Variants in PROSER1 observed in about 807,000 individuals in gnomAD.
PROSER1 encodes the protein proline and serine rich 1, also known as proline and serine-rich protein 1.
A neutral mutation model predicts 71.8 loss-of-function variants in PROSER1; 36 were observed. The ratio of observed to expected loss-of-function variants is 0.50; its 90% CI spans 0.38 to 0.66. PROSER1 has a LOEUF of 0.66. PROSER1 is among the 30% of genes least tolerant of loss of function. The pLI is 0.00. For synonymous variants in PROSER1, 490 were observed against 452.4 expected, an observed-to-expected ratio of 1.08 and a Z score of -1.06; for missense variants, 1,107 against 1,135.0, an observed-to-expected ratio of 0.98 and a Z score of 0.35.
intron 3 of PROSER1, among the ~76,000 whole-genome samples, chr13:39,030,158 T>C (rs1438861670): frequency 6.6e-6 from 1 of 152,170 alleles, no homozygotes; most frequent in African/African-American, 2.4e-5. Flanking sequence ...ATAAGCCCCT[T>C]TGCATGTTTT....
In PROSER1 at chr13:39,011,227, A is replaced by T. The variant is rs1869634045; in HGVS notation, c.*138T>A. 1 of 842,224 alleles carries T rather than the reference A, an allele frequency of 1.2e-6. No individual in the cohort carries two copies. The highest frequency in any genetic ancestry group is 1.9e-6 in the Non-Finnish European group (1 of 533,974). The allele number at this position is 842,224 out of a possible 1,614,324, so 52.2% of individuals were successfully genotyped here. On this transcript the variant is annotated 3_prime_UTR_variant, in exon 13 of 13. Transcript: ENST00000352251. The stretch of plus-strand genomic sequence containing the variant: ...TTTAAAATGCAACCACAATTTTCAA[A>T]TTGTTGTCACAATTTCTCCAGGATT...
At chr13:39,022,598 A>C (rs1870347516) in intron 8 of PROSER1, 186 bp from the exon 9 acceptor site, 3 of 523,478 alleles carry the variant, frequency 5.7e-6, no homozygotes, top group Admixed American at 6.5e-5. Context: ...ACACCAAATG[A>C]AACAACCAGA....
chr13:39,036,298 T>C (rs1287322333), intron 1 of PROSER1, among the ~76,000 whole-genome samples: 1 of 152,080 alleles, frequency 6.6e-6, no homozygotes, highest in African/African-American at 2.4e-5. Context: ...AAAAGCTGTA[T>C]AAAAACAAAG....
In PROSER1 at chr13:39,013,498, G is replaced by A; in HGVS notation, c.1754C>T (p.Pro585Leu). The A allele has an allele frequency of 6.2e-7, 1 of 1,614,050 alleles. No individual in the cohort carries two copies. The highest frequency in any genetic ancestry group is 8.5e-7 in the Non-Finnish European group (1 of 1,180,014). ...ATGCAGATCTGAGGTACCTGGGTGG[G>A]GGCCACGCAAAAGGGAGGCTGAGGA... ...CGSSASLLRGPHPGTSDLHIS... is the reference protein window; with the variant it reads ...CGSSASLLRGLHPGTSDLHIS... Residue 585 changes from proline to leucine, a missense_variant, in exon 11 of 13, where the codon CCC becomes CTC. By Grantham distance (98) the Pro-to-Leu change is moderately conservative. Transcript: ENST00000352251.
intron 8 of PROSER1, 42 bp from the exon 9 acceptor site, chr13:39,022,454 G>A: frequency 1.5e-6 from 2 of 1,302,718 alleles, no homozygotes; most frequent in Non-Finnish European, 2.2e-6. Flanking sequence ...CCTTAGGACT[G>A]TTCTGTGACT....
chr13:39,037,424 T>C lies in PROSER1; in HGVS notation c.-182A>G, dbSNP rs2138144002. On this transcript the variant is annotated 5_prime_UTR_variant, in exon 1 of 13. Transcript: ENST00000352251. ...ACTTCGCAAAAAAAATTTCTAAAAA[T>C]TGAGATTCAGAAAAACTCTTTTTAT... 1.7e-6 allele frequency: 1 copy of C among 579,334 alleles called. No individual in the cohort carries two copies. The highest frequency in any genetic ancestry group is 3.1e-6 in the Non-Finnish European group (1 of 325,068). The allele number at this position is 579,334 out of a possible 1,614,324, so 35.9% of individuals were successfully genotyped here.
In PROSER1 at chr13:39,017,516, T is replaced by C. The variant is rs751499755; in HGVS notation, c.759A>G (p.Lys253=). The stretch of plus-strand genomic sequence containing the variant: ...GCTACTTACTTTGATTCTGTATAGG[T>C]TTTGACGGATTCGAAAGGTCTTCAT... ...TENEDLSNPS[K]PIQNQTFSTP... The change falls in exon 10 of 13, where the codon AAA becomes AAG. Residue 253 remains lysine (K), a synonymous_variant. Transcript: ENST00000352251. 2 of 1,545,414 alleles carry C rather than the reference T, an allele frequency of 1.3e-6. No individual in the cohort carries two copies. Among genetic ancestry groups the C allele is most frequent in the Non-Finnish European group, 8.9e-7 (1 of 1,127,012 alleles).
In PROSER1 at chr13:39,037,822, C is replaced by G. The variant is rs527267750; in HGVS notation, c.-580G>C. 1 of 152,310 alleles carries G rather than the reference C, an allele frequency of 6.6e-6. No individual in the cohort carries two copies. The highest frequency in any genetic ancestry group is 2.1e-4 in the South Asian group (1 of 4,836). 9.4% of individuals were successfully genotyped at this position (152,310 alleles called of 1,614,324 possible). A position where few individuals can be genotyped will look rare whatever the true frequency, so the allele number is the denominator to read the frequency against. Reference sequence around the variant, plus strand: ...CGCTCCGCCCGACTCCTGGATACCTCGGCCCCGGCAGCAGGCGGCCCGGCA... The same window carrying G: ...CGCTCCGCCCGACTCCTGGATACCTGGGCCCCGGCAGCAGGCGGCCCGGCA... On this transcript the variant is annotated 5_prime_UTR_variant, in exon 1 of 13. Coordinates refer to ENST00000352251, the MANE Select transcript of PROSER1 (RefSeq NM_025138.5).
intron 1 of PROSER1, among the ~76,000 whole-genome samples, chr13:39,034,700 T>C (rs1406466047): frequency 2.0e-5 from 3 of 152,344 alleles, no homozygotes; most frequent in Non-Finnish European, 4.4e-5. Context: ...CAAGAAGTCC[T>C]GAATTCAATG....
chr13:39,011,432 C>G lies in PROSER1; in HGVS notation c.2768G>C (p.Ser923Thr). 1 of 1,614,122 alleles carries G rather than the reference C, an allele frequency of 6.2e-7. No homozygotes were observed. Among genetic ancestry groups the G allele is most frequent in the Non-Finnish European group, 8.5e-7 (1 of 1,179,984 alleles). The change falls in exon 13 of 13, where the codon AGT becomes ACT. Residue 923 changes from serine to threonine, a missense_variant. Coordinates refer to ENST00000352251, the MANE Select transcript of PROSER1 (RefSeq NM_025138.5). ...TGGTGTTCCTGGCGCTGAAGGATAA[C>G]TAGGAAACCCATCAGGCTGAGCTGG... ...SYPAQPDGFP[S>T]YPSAPGTPFS...
At position 39,011,499 on chromosome 13, in the gene PROSER1, A is replaced by C; in HGVS notation, c.2713-12T>G. ...GAAGCTGAATGGACCTGATGGAAAG[A>C]AGAGCGTGTGGTTTAGCAGAGTGCC... On this transcript the variant is annotated splice_polypyrimidine_tract_variant and intron_variant, in intron 12 of 12. Transcript: ENST00000352251. The C allele has an allele frequency of 1.9e-6, 3 of 1,613,316 alleles. No homozygotes were observed. The highest frequency in any genetic ancestry group is 2.5e-6 in the Non-Finnish European group (3 of 1,179,916).
At position 39,011,134 on chromosome 13, in the gene PROSER1, A is replaced by C. The variant is rs1268480681; in HGVS notation, c.*231T>G. On this transcript the variant is annotated 3_prime_UTR_variant, in exon 13 of 13. Transcript: ENST00000352251. Reference sequence around the variant, plus strand: ...TTATAGGACAGGTGAAAAGTCTCCAAACACTTTTTAAATACCATTCTCCAT... The same window carrying C: ...TTATAGGACAGGTGAAAAGTCTCCACACACTTTTTAAATACCATTCTCCAT... The C allele has an allele frequency of 1.5e-5, 7 of 471,164 alleles. No individual in the cohort carries two copies. Among genetic ancestry groups the C allele is most frequent in the African/African-American group, 1.4e-4 (7 of 50,324 alleles). The allele number at this position is 471,164 out of a possible 1,614,324, so 29.2% of individuals were successfully genotyped here.
At chr13:39,032,008 A>T (rs932264416) in intron 2 of PROSER1, among the ~76,000 whole-genome samples, 1 of 152,210 alleles carries the variant, frequency 6.6e-6, no homozygotes, top group Admixed American at 6.5e-5. Context: ...AAAACAAAGT[A>T]TCCTAATAGG....
At position 39,037,286 on chromosome 13, in the gene PROSER1, T is replaced by G. The variant is rs1871162490; in HGVS notation, c.-44A>C. ...GTGGTTTTAACAGTTATACTTGCAA[T>G]TAAAAGACGTTCATCCCTGGTCTGC... On this transcript the variant is annotated 5_prime_UTR_variant, in exon 1 of 13. An upstream open reading frame in the 5' UTR loses its in-frame stop. Transcript: ENST00000352251. 7.1e-7 allele frequency: 1 copy of G among 1,402,322 alleles called. No homozygotes were observed. The highest frequency in any genetic ancestry group is 1.0e-6 in the Non-Finnish European group (1 of 987,116). 86.9% of individuals were successfully genotyped at this position (1,402,322 alleles called of 1,614,324 possible).
chr13:39,029,974 T>G (rs1870759439), intron 3 of PROSER1, among the ~76,000 whole-genome samples: 1 of 152,200 alleles, frequency 6.6e-6, no homozygotes, highest in Admixed American at 6.5e-5. Context: ...CCTTTATTTC[T>G]GAAGAACATT....
chr13:39,026,341 C>A lies in PROSER1; in HGVS notation c.416G>T (p.Cys139Phe). Residue 139 changes from cysteine to phenylalanine, a missense_variant, in exon 6 of 13, where the codon TGT (cysteine) becomes TTT (phenylalanine). By Grantham distance (205) the Cys-to-Phe change is radical. Coordinates refer to ENST00000352251, the MANE Select transcript of PROSER1 (RefSeq NM_025138.5). ...CKAPHAMISS[C>F]GTIPGNPYPK... ...ATATGGATTTCCTGGGATTGTTCCA[C>A]AAGAAGATATCATAGCATGAGGAGC... The A allele has an allele frequency of 6.2e-7, 1 of 1,612,314 alleles. No individual in the cohort carries two copies. Among genetic ancestry groups the A allele is most frequent in the Non-Finnish European group, 8.5e-7 (1 of 1,179,528 alleles).
chr13:39,031,497 A>T, intron 3 of PROSER1, 66 bp downstream of exon 3: 1 of 1,149,046 alleles, frequency 8.7e-7, no homozygotes, highest in Non-Finnish European at 1.3e-6. Context: ...GAAATAAATT[A>T]CACACAACTG....
rs550623586 is a variant in PROSER1 at position 39,019,906 on chromosome 13, T to C, written c.731-2362A>G. ...CAAGCCAATCTACCAAATAAAATCATAGGGGAAAAAAGTTTAAAATAAAGG... is the reference window on the plus strand; with the variant it reads ...CAAGCCAATCTACCAAATAAAATCACAGGGGAAAAAAGTTTAAAATAAAGG... On this transcript the variant is annotated intron_variant, in intron 9 of 12. Coordinates refer to ENST00000352251, the MANE Select transcript of PROSER1 (RefSeq NM_025138.5). Among the ~76,000 whole-genome samples the C allele has an allele frequency of 2.0e-5, 3 of 151,682 alleles. No individual in the cohort carries two copies. In the East Asian group the frequency reaches 5.8e-4, roughly 29 times the overall value.
chr13:39,036,920 C>T (rs918073570), intron 1 of PROSER1, among the ~76,000 whole-genome samples: 3 of 152,164 alleles, frequency 2.0e-5, no homozygotes, highest in African/African-American at 7.2e-5. Context: ...AAGTACAGAG[C>T]TATTACGGAT....
Sources: allele counts gnomAD v4.1 joint callset (sites outside exome capture counted in the v4.1 genomes callset), GRCh38; gene constraint gnomAD v4.1.1; transcripts MANE v1.5; gene names NCBI Gene and HGNC (gene_info 2026-07-23, HGNC 2026-07-21).